Variants in SCFD2 observed in about 807,000 individuals in gnomAD.
The protein encoded by SCFD2 is sec1 family domain-containing protein 2.
A neutral mutation model predicts 58.9 loss-of-function variants in SCFD2; 54 were observed. The observed-to-expected ratio is 0.92, with a 90% confidence interval of 0.74 to 1.15. The LOEUF is 1.15. Among genes scored for constraint, SCFD2 ranks in the 50% most tolerant of loss-of-function variants. The pLI, the probability that SCFD2 is intolerant of heterozygous loss-of-function variation, is 0.00. For synonymous variants in SCFD2, 321 were observed against 335.9 expected (o/e 0.96, Z 0.49); for missense variants, 805 against 836.6 (o/e 0.96, Z 0.47).
intron 4 of SCFD2, among the ~76,000 whole-genome samples, chr4:53,226,210 C>T (rs1185498149): frequency 1.3e-5 from 2 of 152,096 alleles, no homozygotes; most frequent in Admixed American, 6.5e-5. Flanking sequence ...GTTTGTGATA[C>T]TGCCTTTAAC....
intron 5 of SCFD2, among the ~76,000 whole-genome samples, chr4:52,962,321 G>C (rs1720870623): frequency 1.3e-5 from 2 of 152,186 alleles, no homozygotes; most frequent in Non-Finnish European, 2.9e-5. Flanking sequence ...ACTCAAAGCA[G>C]AAATCTCCTT....
intron 5 of SCFD2, among the ~76,000 whole-genome samples, chr4:53,065,859 ATAAG>A (rs1235026458): frequency 6.6e-6 from 1 of 152,094 alleles, no homozygotes; most frequent in Non-Finnish European, 1.5e-5. Flanking sequence ...TTTTGGAGAA[ATAAG>A]TAAGATTGCT....
intron 5 of SCFD2, among the ~76,000 whole-genome samples, chr4:53,069,142 G>A (rs1309412745): frequency 6.6e-6 from 1 of 152,026 alleles, no homozygotes; most frequent in Admixed American, 6.6e-5. Flanking sequence ...TGAAGGATCC[G>A]CTAGGGAATC....
At chr4:53,099,536 T>C (rs1724768654) in intron 5 of SCFD2, among the ~76,000 whole-genome samples, 1 of 152,198 alleles carries the variant, frequency 6.6e-6, no homozygotes, top group African/African-American at 2.4e-5. Flanking sequence ...CGCCAGCATC[T>C]GCTTGGCTTC....
chr4:53,232,114 C>CT (rs1277661408), intron 4 of SCFD2, among the ~76,000 whole-genome samples: 2 of 152,018 alleles, frequency 1.3e-5, no homozygotes, highest in Admixed American at 6.6e-5. Context: ...TATTTCCCTA[C>CT]TTTTTTCTAT....
intron 3 of SCFD2, among the ~76,000 whole-genome samples, chr4:53,312,731 C>T (rs973080081): frequency 2.0e-5 from 3 of 152,044 alleles, no homozygotes; most frequent in African/African-American, 7.2e-5. Flanking sequence ...AGAACTTGGC[C>T]TATGAATCTC....
chr4:53,099,025 A>T (rs892756893), intron 5 of SCFD2, among the ~76,000 whole-genome samples: 2 of 152,184 alleles, frequency 1.3e-5, no homozygotes, highest in Admixed American at 6.5e-5. Flanking sequence ...AGGGAAGTGA[A>T]TCATTGTCTG....
In SCFD2 at chr4:52,965,208, C is replaced by T. The variant is rs142199310; in HGVS notation, c.1562-44338G>A. Reference sequence around the variant, plus strand: ...CCTTTTCTAGGAGCCATATTGAAAACACCCCAATAAATTAGGTAGACTATA... The same window carrying T: ...CCTTTTCTAGGAGCCATATTGAAAATACCCCAATAAATTAGGTAGACTATA... On this transcript the variant is annotated intron_variant, in intron 5 of 8. Coordinates refer to ENST00000401642, the MANE Select transcript of SCFD2 (RefSeq NM_152540.4). Among the ~76,000 whole-genome samples the T allele has an allele frequency of 1.8e-4, 28 of 152,284 alleles. No individual in the cohort carries two copies. In the East Asian group the frequency reaches 5.2e-3, roughly 28 times the overall value.
chr4:53,284,704 T>C (rs544363343), intron 3 of SCFD2, among the ~76,000 whole-genome samples: 65 of 152,162 alleles, frequency 4.3e-4, no homozygotes, highest in Non-Finnish European at 6.8e-4. Flanking sequence ...TTAACATGCA[T>C]ATTTAAGTCA....
chr4:53,084,561 T>C (rs1724248106), intron 5 of SCFD2, among the ~76,000 whole-genome samples: 1 of 152,200 alleles, frequency 6.6e-6, no homozygotes, highest in Non-Finnish European at 1.5e-5. Context: ...AAGACAGGCA[T>C]AAGAAATTAT....
intron 3 of SCFD2, among the ~76,000 whole-genome samples, chr4:53,311,775 A>G (rs1178010031): frequency 6.6e-6 from 1 of 151,922 alleles, no homozygotes; most frequent in Non-Finnish European, 1.5e-5. Flanking sequence ...AGGTGGGACT[A>G]CAGGTGCGCG....
chr4:52,914,603 T>C (rs912943054), intron 6 of SCFD2, among the ~76,000 whole-genome samples: 10 of 152,176 alleles, frequency 6.6e-5, no homozygotes, highest in Admixed American at 5.9e-4. Flanking sequence ...GTGGGAGCCA[T>C]GACCACAGAG....
At chr4:53,238,083 C>T (rs1577879603) in intron 4 of SCFD2, among the ~76,000 whole-genome samples, 3 of 128,406 alleles carry the variant, frequency 2.3e-5, no homozygotes, top group Admixed American at 7.4e-5. Flanking sequence ...CCGGATGGGG[C>T]GGCTGGCCGG....
chr4:52,947,234 G>A (rs978181737), intron 5 of SCFD2, among the ~76,000 whole-genome samples: 2 of 152,162 alleles, frequency 1.3e-5, no homozygotes, highest in Non-Finnish European at 1.5e-5. Flanking sequence ...ATGGCCATTC[G>A]GAAAGGGCTT....
chr4:53,282,767 T>C (rs930300707), intron 3 of SCFD2, among the ~76,000 whole-genome samples: 2 of 152,110 alleles, frequency 1.3e-5, no homozygotes, highest in Non-Finnish European at 1.5e-5. Flanking sequence ...AATTCAGCAA[T>C]AATTGAACTC....
Position 53,277,315 on chromosome 4 carries a change from C to A in SCFD2, c.1136-3314G>T, listed in dbSNP as rs529902101. 3.9e-5 allele frequency among the ~76,000 whole-genome samples: 6 copies of A among 152,238 alleles called. No individual in the cohort carries two copies. The South Asian group carries it at 1.2e-3, about 32-fold the overall frequency. ...ATCTATTATATTAAATATGTAAGAA[C>A]AAATTTTCACACAAAATGGTTTCAA... On this transcript the variant is annotated intron_variant, in intron 3 of 8. Transcript: ENST00000401642.
chr4:53,250,965 T>C (rs1048440106), intron 4 of SCFD2, among the ~76,000 whole-genome samples: 2 of 152,122 alleles, frequency 1.3e-5, no homozygotes, highest in African/African-American at 4.8e-5. Context: ...AGCTGGTTTT[T>C]TGAAAAGATC....
chr4:53,231,863 T>TTA (rs1457831972), intron 4 of SCFD2, among the ~76,000 whole-genome samples: 3 of 152,030 alleles, frequency 2.0e-5, no homozygotes, highest in East Asian at 1.9e-4. Flanking sequence ...ACAAAAAATG[T>TTA]TATATATATA....
At chr4:52,920,281 A>G (rs950483124) in intron 6 of SCFD2, among the ~76,000 whole-genome samples, 9 of 152,204 alleles carry the variant, frequency 5.9e-5, no homozygotes, top group African/African-American at 1.7e-4. Context: ...ACATATTTTC[A>G]TCACAAACTT....
Sources: allele counts gnomAD v4.1 joint callset (sites outside exome capture counted in the v4.1 genomes callset), GRCh38; gene constraint gnomAD v4.1.1; transcripts MANE v1.5; gene names NCBI Gene and HGNC (gene_info 2026-07-23, HGNC 2026-07-21).